AHNAK2: variants seen among roughly 807,000 people sequenced by gnomAD.
AHNAK2 encodes protein AHNAK2.
A neutral mutation model predicts 30.7 loss-of-function variants in AHNAK2; 18 were observed. That is an observed-to-expected ratio of 0.59 (90% CI 0.41 to 0.87). AHNAK2 has a LOEUF of 0.87. Ranked by LOEUF, AHNAK2 falls within the 40% of genes least tolerant of loss-of-function variation. The pLI is 0.00. For synonymous variants in AHNAK2, 3,590 were observed against 3,073.8 expected, an observed-to-expected ratio of 1.17 and a Z score of -5.56; for missense variants, 8,604 against 7,373.0, an observed-to-expected ratio of 1.17 and a Z score of -6.11.
intron 1 of AHNAK2, among the ~76,000 whole-genome samples, chr14:104,972,456 G>A (rs753515309): frequency 1.8e-4 from 27 of 152,152 alleles, no homozygotes; most frequent in Non-Finnish European, 2.2e-4. Context: ...GGAAGGAGAC[G>A]CTGGCACAGA....
At position 104,954,356 on chromosome 14, in the gene AHNAK2, G is replaced by A. The variant is rs752939277; in HGVS notation, c.1095C>T (p.Ser365=). The A allele has an allele frequency of 6.2e-7, 1 of 1,613,322 alleles. No homozygotes were observed. The highest frequency in any genetic ancestry group is 8.5e-7 in the Non-Finnish European group (1 of 1,179,872). ...VLEELGPWGD[S]LEETGAATGS... ...CTGTGGCAGCCCCAGTCTCCTCGAG[G>A]CTATCACCCCAGGGCCCCAACTCTT... The change falls in exon 7 of 7, where the codon AGC becomes AGT. Residue 365 remains serine (S), a synonymous_variant. Transcript: ENST00000333244. The surrounding 1 kb of genome is among the most constrained non-coding windows in gnomAD (Gnocchi z 4.3).
rs370864540 is a variant in AHNAK2, at chr14:104,942,327, G to A, written c.13124C>T (p.Ala4375Val). Residue 4375 changes from alanine (A) to valine (V), a missense_variant, in exon 7 of 7, where the codon GCC becomes GTC. By Grantham distance (64) the Ala-to-Val change is moderately conservative (BLOSUM62 0). Transcript: ENST00000333244. The part of the protein sequence containing the change: ...KLPEGPVHEG[A>V]GLKGHLPKLQ... ...CTTCGGCAGGTGCCCTTTGAGGCCG[G>A]CTCCCTCATGCACAGGGCCCTCTGG... 1 of 1,613,128 alleles carries A rather than the reference G, an allele frequency of 6.2e-7. No individual in the cohort carries two copies. Among genetic ancestry groups the A allele is most frequent in the African/African-American group, 1.3e-5 (1 of 74,808 alleles).
In AHNAK2 at chr14:104,957,085, C is replaced by T. The variant is rs1038422433; in HGVS notation, c.213+325G>A. Among the ~76,000 whole-genome samples, 14 of 152,238 alleles carry T rather than the reference C, an allele frequency of 9.2e-5. 1 individual carries two copies. Among genetic ancestry groups the T allele is most frequent in the Non-Finnish European group, 4.4e-5 (3 of 68,038 alleles). ...AGAGGTAGCCATGGGGCCCTGTCCCCAAAGACAGCATGAGTGTGTTACACA... is the reference window on the plus strand; with the variant it reads ...AGAGGTAGCCATGGGGCCCTGTCCCTAAAGACAGCATGAGTGTGTTACACA... On this transcript the variant is annotated intron_variant, in intron 3 of 6. Transcript: ENST00000333244.
chr14:104,971,275 G>C (rs969837750), intron 1 of AHNAK2, among the ~76,000 whole-genome samples: 11 of 151,858 alleles, frequency 7.2e-5, no homozygotes, highest in African/African-American at 2.7e-4. Flanking sequence ...CACCACACCT[G>C]GCTAATTTTA....
chr14:104,970,054 T>C (rs1247714054), intron 1 of AHNAK2, among the ~76,000 whole-genome samples: 2 of 152,120 alleles, frequency 1.3e-5, no homozygotes, highest in Non-Finnish European at 2.9e-5. Context: ...CTTGGGGACT[T>C]GCAGACCTGC....
chr14:104,968,741 G>A (rs1021673350), intron 1 of AHNAK2, among the ~76,000 whole-genome samples: 2 of 152,222 alleles, frequency 1.3e-5, no homozygotes, highest in African/African-American at 4.8e-5. Context: ...CATCCTGGGT[G>A]GGAGGAACGA....
At chr14:104,967,433 T>C (rs1216388889) in intron 1 of AHNAK2, among the ~76,000 whole-genome samples, 1 of 152,200 alleles carries the variant, frequency 6.6e-6, no homozygotes, top group Non-Finnish European at 1.5e-5. Flanking sequence ...GGTAGTCTTG[T>C]GGGTGTTGGG....
chr14:104,975,976 C>T (rs980608762), intron 1 of AHNAK2, among the ~76,000 whole-genome samples: 5 of 152,216 alleles, frequency 3.3e-5, no homozygotes, highest in Non-Finnish European at 4.4e-5. Context: ...TGACCCCCAC[C>T]GCAGAGAAGA....
intron 1 of AHNAK2, among the ~76,000 whole-genome samples, chr14:104,967,879 C>T (rs1444173640): frequency 6.6e-6 from 1 of 152,210 alleles, no homozygotes; most frequent in Admixed American, 6.5e-5. Context: ...GCCAAGAGCA[C>T]CGCCTCCCAG....
intron 1 of AHNAK2, among the ~76,000 whole-genome samples, chr14:104,961,290 G>T (rs951998655): frequency 6.6e-6 from 1 of 152,072 alleles, no homozygotes; most frequent in Non-Finnish European, 1.5e-5. Context: ...CGAGGCGGGC[G>T]GATCACGAGG....
Position 104,950,502 on chromosome 14 carries a change from G to C in AHNAK2, c.4949C>G (p.Ala1650Gly), listed in dbSNP as rs145693791. ...GAACTTGCTGTCTTTGGCAGTCACC[G>C]CCTTGTCGGCCAGGGACAGGTCCCC... is the stretch of plus-strand genomic sequence containing the variant. ...LEGDLSLADK[A>G]VTAKDSKFKM... Residue 1650 changes from alanine (A) to glycine (G), a missense_variant, in exon 7 of 7, where the codon GCG (alanine) becomes GGG (glycine). Ala to Gly is a moderately conservative substitution (Grantham distance 60). Coordinates refer to ENST00000333244, the MANE Select transcript of AHNAK2 (RefSeq NM_138420.4). 2.3e-5 allele frequency: 37 copies of C among 1,577,904 alleles called. 5 individuals carry two copies. Among genetic ancestry groups the C allele is most frequent in the Admixed American group, 1.1e-4 (6 of 56,770 alleles).
rs1897989158 is a variant in AHNAK2, at chr14:104,941,615, C to T, written c.13836G>A (p.Gly4612=). 3 of 1,613,528 alleles carry T rather than the reference C, an allele frequency of 1.9e-6. No individual in the cohort carries two copies. Among genetic ancestry groups the T allele is most frequent in the Non-Finnish European group, 1.7e-6 (2 of 1,179,868 alleles). The change falls in exon 7 of 7, where the codon GGG becomes GGA. Residue 4612 remains glycine, a synonymous_variant. Coordinates refer to ENST00000333244, the MANE Select transcript of AHNAK2 (RefSeq NM_138420.4). Reference sequence around the variant, plus strand: ...CATCCTCGTGGGCCAGGGACAGGTCCCCCTCAAGCCGCGCACCATCCAGCA... The same window carrying T: ...CATCCTCGTGGGCCAGGGACAGGTCTCCCTCAAGCCGCGCACCATCCAGCA... ...GSMLDGARLE[G]DLSLAHEDVA... is the part of the protein sequence containing the mutation.
rs745381931 is a variant in AHNAK2 at position 104,941,982 on chromosome 14, G to A, written c.13469C>T (p.Ala4490Val). The A allele has an allele frequency of 2.4e-5, 39 of 1,613,406 alleles. No individual in the cohort carries two copies. The highest frequency in any genetic ancestry group is 5.5e-5 in the South Asian group (5 of 91,054). Residue 4490 changes from alanine to valine, a missense_variant, in exon 7 of 7, where the codon GCG becomes GTG. Transcript: ENST00000333244. Reference protein sequence around the residue: ...KSIEVSVDVSAPKMEADMSIP... With the variant: ...KSIEVSVDVSVPKMEADMSIP... Reference sequence around the variant, plus strand: ...GCTCATGTCGGCCTCCATCTTTGGCGCAGACACATCCACCGAGACCTCGAT... The same window carrying A: ...GCTCATGTCGGCCTCCATCTTTGGCACAGACACATCCACCGAGACCTCGAT...
rs750654954 is a variant in AHNAK2 at position 104,944,963 on chromosome 14, CA to C, written c.10487del (p.Leu3496ArgfsTer12). 26 of 1,613,052 alleles carry C rather than the reference CA, an allele frequency of 1.6e-5. No homozygotes were observed. In the East Asian group the frequency reaches 4.7e-4, roughly 29 times the overall value. On this transcript the variant is annotated frameshift_variant, in exon 7 of 7. Transcript: ENST00000333244. LOFTEE classifies it low-confidence loss of function (END_TRUNC). Reference protein sequence around the residue: ...SAPGRSIEASLDVSAPKVEAD... With the variant: ...SAPGRSIEASXDVSAPKVEAD... Reference sequence around the variant, plus strand: ...CCTCCACCTTCGGCGCAGACACATCCAGCGAGGCCTCGATGGACCTGCCTGG... The same window carrying C: ...CCTCCACCTTCGGCGCAGACACATCCGCGAGGCCTCGATGGACCTGCCTGG...
At position 104,942,776 on chromosome 14, in the gene AHNAK2, C is replaced by A. The variant is rs766021313; in HGVS notation, c.12675G>T (p.Lys4225Asn). The change falls in exon 7 of 7, where the codon AAG becomes AAT. Residue 4225 changes from lysine to asparagine, a missense_variant. Lys to Asn is a moderately conservative substitution (Grantham distance 94, BLOSUM62 0). Coordinates refer to ENST00000333244, the MANE Select transcript of AHNAK2 (RefSeq NM_138420.4). Reference protein sequence around the residue: ...HLPKVQMPCLKMPKVALKGPQ... With the variant: ...HLPKVQMPCLNMPKVALKGPQ... ...GGCCCTTGAGGGCCACTTTGGGCATCTTCAAACAGGGCATCTGCACCTTGG... is the reference window on the plus strand; with the variant it reads ...GGCCCTTGAGGGCCACTTTGGGCATATTCAAACAGGGCATCTGCACCTTGG... 1 of 1,612,986 alleles carries A rather than the reference C, an allele frequency of 6.2e-7. No individual in the cohort carries two copies. Among genetic ancestry groups the A allele is most frequent in the Non-Finnish European group, 8.5e-7 (1 of 1,179,566 alleles).
At chr14:104,965,318 T>G (rs1475270814) in intron 1 of AHNAK2, among the ~76,000 whole-genome samples, 2 of 148,548 alleles carry the variant, frequency 1.3e-5, no homozygotes, top group African/African-American at 5.0e-5. Flanking sequence ...GGAGAATCAC[T>G]TGAACCCAGA....
At position 104,947,328 on chromosome 14, in the gene AHNAK2, T is replaced by G. The variant is rs760888180; in HGVS notation, c.8123A>C (p.Gln2708Pro). 1 of 1,612,296 alleles carries G rather than the reference T, an allele frequency of 6.2e-7. No individual in the cohort carries two copies. The highest frequency in any genetic ancestry group is 1.7e-5 in the Admixed American group (1 of 59,906). Residue 2708 changes from glutamine to proline, a missense_variant, in exon 7 of 7, where the codon CAG becomes CCG. Coordinates refer to ENST00000333244, the MANE Select transcript of AHNAK2 (RefSeq NM_138420.4). ...GAGTTTCACATCCACCTGGCCAGCC[T>G]GGACCTCCAGTTGGGCAGAGGGGGG... ...IQPPSAQLEVQAGQVDVKLPE... is the reference protein window; with the variant it reads ...IQPPSAQLEVPAGQVDVKLPE...
Position 104,940,744 on chromosome 14 carries a change from G to C in AHNAK2, c.14707C>G (p.Gln4903Glu), listed in dbSNP as rs1289814726. Residue 4903 changes from glutamine (Q) to glutamate (E), a missense_variant, in exon 7 of 7, where the codon CAG becomes GAG. Physicochemically the swap from Gln to Glu is conservative, Grantham distance 29 (BLOSUM62 2). Transcript: ENST00000333244. This position sits in a 1 kb window ranked among gnomAD's most constrained non-coding sequence, Gnocchi z 4.4. Reference sequence around the variant, plus strand: ...AGCTGGGTGCTTGGCAAGGGGCACTGCACTCTTTCTCCAGGGCTAAGAGGA... The same window carrying C: ...AGCTGGGTGCTTGGCAAGGGGCACTCCACTCTTTCTCCAGGGCTAAGAGGA... The part of the protein sequence containing the change: ...MSPLSPGERV[Q>E]CPLPSTQLPS... 4.3e-6 allele frequency: 7 copies of C among 1,612,938 alleles called. No individual in the cohort carries two copies. Among genetic ancestry groups the C allele is most frequent in the Non-Finnish European group, 4.2e-6 (5 of 1,179,856 alleles).
rs1049379934 is a variant in AHNAK2 at position 104,938,786 on chromosome 14, G to A, written c.16665C>T (p.Ala5555=). 5 of 1,613,820 alleles carry A rather than the reference G, an allele frequency of 3.1e-6. No homozygotes were observed. The East Asian group carries it at 6.7e-5, about 22-fold the overall frequency. Reference sequence around the variant, plus strand: ...CAGAAATGGAGTCTACTCCTGGGGTGGCTTGTATGGGAGCCTCTTCTGTGC... The same window carrying A: ...CAGAAATGGAGTCTACTCCTGGGGTAGCTTGTATGGGAGCCTCTTCTGTGC... The part of the protein sequence containing the change: ...QEGTEEAPIQ[A]TPGVDSISGD... Residue 5555 remains alanine, a synonymous_variant, in exon 7 of 7, where the codon GCC becomes GCT. Coordinates refer to ENST00000333244, the MANE Select transcript of AHNAK2 (RefSeq NM_138420.4).
Sources: gnomAD v4.1 joint callset for allele counts (sites outside exome capture counted in the v4.1 genomes callset) on GRCh38, gnomAD v4.1.1 for gene constraint, Gnocchi (gnomAD v3.1) non-coding constraint, MANE v1.5 for transcripts, NCBI Gene and HGNC (gene_info 2026-07-23, HGNC 2026-07-21) for gene names.